The following ZBTB20 variants were observed in gnomAD, a reference collection of about 807,000 sequenced individuals.
ZBTB20 encodes the protein zinc finger and BTB domain-containing protein 20.
ZBTB20 carries 9 observed loss-of-function variants against 56.9 expected under a neutral mutation model. The observed-to-expected ratio is 0.16, with a 90% CI of 0.10 to 0.28. ZBTB20 has a LOEUF of 0.28. ZBTB20 is among the 10% of genes least tolerant of loss of function. The pLI is 1.00. For synonymous variants in ZBTB20, 417 were observed against 420.7 expected (o/e 0.99, Z 0.11); for missense variants, 655 against 1,003.0 (o/e 0.65, Z 4.69).
At chr3:115,038,317 G>A (rs959944329) in intron 2 of ZBTB20, among the ~76,000 whole-genome samples, 15 of 152,148 alleles carry the variant, frequency 9.9e-5, no homozygotes, top group Admixed American at 5.9e-4. Flanking sequence ...AATTTTCAAT[G>A]ACAAAGCTTG....
intron 4 of ZBTB20, among the ~76,000 whole-genome samples, chr3:114,816,653 T>G (rs185605972): frequency 5.7e-4 from 87 of 152,274 alleles, no homozygotes; most frequent in African/African-American, 1.9e-3. Flanking sequence ...TTTTCTTCCT[T>G]AATATACCAA....
intron 7 of ZBTB20, among the ~76,000 whole-genome samples, chr3:114,451,009 A>T (rs1361287902): frequency 6.6e-6 from 1 of 152,034 alleles, no homozygotes; most frequent in African/African-American, 2.4e-5. Flanking sequence ...TAAGCATTCC[A>T]TTTTACCATC....
chr3:114,931,301 C>A, intron 3 of ZBTB20: 1 of 198,116 alleles, frequency 5.0e-6, no homozygotes. Context: ...CAAGATGAGA[C>A]CCAATATCAG....
intron 5 of ZBTB20, among the ~76,000 whole-genome samples, chr3:114,718,149 T>G (rs1265568518): frequency 6.6e-6 from 1 of 152,134 alleles, no homozygotes; most frequent in Non-Finnish European, 1.5e-5. Context: ...ATGGCAAAAT[T>G]TATGAACTAC....
intron 1 of ZBTB20, among the ~76,000 whole-genome samples, chr3:115,142,355 T>C (rs564442128): frequency 3.9e-5 from 6 of 152,246 alleles, no homozygotes; most frequent in Admixed American, 3.3e-4. Context: ...TTCTTCCATT[T>C]TGCTCTTTAA....
At chr3:115,048,716 T>C (rs1385964780) in intron 2 of ZBTB20, among the ~76,000 whole-genome samples, 7 of 152,194 alleles carry the variant, frequency 4.6e-5, no homozygotes, top group Admixed American at 4.6e-4. Context: ...CTTACACAAA[T>C]AGGAAGTGAA....
intron 2 of ZBTB20, among the ~76,000 whole-genome samples, chr3:114,976,299 G>C (rs947098408): frequency 1.3e-5 from 2 of 152,082 alleles, no homozygotes; most frequent in African/African-American, 4.8e-5. Flanking sequence ...TAAGAAACCT[G>C]AATCAAGTAA....
intron 4 of ZBTB20, among the ~76,000 whole-genome samples, chr3:114,862,254 C>T (rs1576148939): frequency 2.0e-5 from 3 of 152,142 alleles, no homozygotes; most frequent in African/African-American, 7.2e-5. Context: ...ATCATATCTT[C>T]ATTATTTTTA....
intron 1 of ZBTB20, among the ~76,000 whole-genome samples, chr3:115,072,815 T>C (rs1360637800): frequency 6.6e-6 from 1 of 152,164 alleles, no homozygotes; most frequent in Non-Finnish European, 1.5e-5. Flanking sequence ...GTACACACAA[T>C]AGACTTGGCA....
At chr3:114,933,874 C>T (rs1221518830) in intron 3 of ZBTB20, among the ~76,000 whole-genome samples, 2 of 152,146 alleles carry the variant, frequency 1.3e-5, no homozygotes, top group Non-Finnish European at 2.9e-5. Context: ...CCTACCCCTC[C>T]CCCTTCGGTA....
Position 114,646,633 on chromosome 3 carries a change from C to T in ZBTB20, c.-295+46895G>A, listed in dbSNP as rs183483441. Among the ~76,000 whole-genome samples, 6 of 152,286 alleles carry T rather than the reference C, an allele frequency of 3.9e-5. No homozygotes were observed. In the East Asian group the frequency reaches 1.2e-3, roughly 29 times the overall value. On this transcript the variant is annotated intron_variant, in intron 6 of 11. Transcript: ENST00000675478. Reference sequence around the variant, plus strand: ...GTAAATGTAAAGAAAACAAAAGTTTCATTCATCCTCCTGTAATGATGCCAA... The same window carrying T: ...GTAAATGTAAAGAAAACAAAAGTTTTATTCATCCTCCTGTAATGATGCCAA...
chr3:115,012,949 A>G (rs2079784670), intron 2 of ZBTB20, among the ~76,000 whole-genome samples: 1 of 151,860 alleles, frequency 6.6e-6, no homozygotes, highest in South Asian at 2.1e-4. Flanking sequence ...GAAATTAAAC[A>G]ATATGTTCCA....
At chr3:115,144,915 C>T (rs917188724) in intron 1 of ZBTB20, 1 of 152,210 alleles carries the variant, frequency 6.6e-6, no homozygotes, top group Non-Finnish European at 1.5e-5. Context: ...AATCTGAAAT[C>T]ATAAAACCAA....
At chr3:114,796,472 G>A (rs58647813) in intron 5 of ZBTB20, among the ~76,000 whole-genome samples, 6,596 of 151,950 alleles carry the variant, frequency 0.043, 490 homozygotes, top group African/African-American at 0.15. Context: ...GAACAAAGGC[G>A]ACATAATCTT....
intron 2 of ZBTB20, among the ~76,000 whole-genome samples, chr3:115,036,521 TCTCCTGCCTCAGC>T (rs2080929530): frequency 6.6e-6 from 1 of 152,126 alleles, no homozygotes; most frequent in African/African-American, 2.4e-5. Flanking sequence ...TTCGAGCGAT[TCTCCTGCCTCAGC>T]CTCCCGAGTA....
chr3:114,454,088 A>C (rs1445314943), intron 7 of ZBTB20, among the ~76,000 whole-genome samples: 1 of 150,704 alleles, frequency 6.6e-6, no homozygotes, highest in Non-Finnish European at 1.5e-5. Context: ...GAGGAAAAAA[A>C]GAAGAGAGAG....
At chr3:114,400,853 T>C (rs569982072) in intron 7 of ZBTB20, among the ~76,000 whole-genome samples, 1 of 152,214 alleles carries the variant, frequency 6.6e-6, no homozygotes, top group East Asian at 1.9e-4. Context: ...AGTGCTCTGA[T>C]TGAAAGGCAG....
At chr3:114,514,931 G>C (rs1009833049) in intron 6 of ZBTB20, among the ~76,000 whole-genome samples, 2 of 152,132 alleles carry the variant, frequency 1.3e-5, no homozygotes, top group Admixed American at 6.5e-5. Context: ...TATTTATTCT[G>C]CTCTTACATG....
chr3:114,633,730 G>T (rs2059096320), intron 6 of ZBTB20, among the ~76,000 whole-genome samples: 1 of 152,078 alleles, frequency 6.6e-6, no homozygotes, highest in South Asian at 2.1e-4. Context: ...AATGATTCCA[G>T]AATCTTGTAA....
Sources: allele counts gnomAD v4.1 joint callset (sites outside exome capture counted in the v4.1 genomes callset), GRCh38; gene constraint gnomAD v4.1.1; transcripts MANE v1.5; gene names NCBI Gene and HGNC (gene_info 2026-07-23, HGNC 2026-07-21).